Variants in ADGRB3 observed in about 807,000 individuals in gnomAD.
ADGRB3 encodes the protein adhesion G protein-coupled receptor B3, also known as brain-specific angiogenesis inhibitor 3.
Under a neutral mutation model 193.4 loss-of-function variants are expected in ADGRB3, and 37 were observed. The ratio of observed to expected loss-of-function variants is 0.19; its 90% CI spans 0.15 to 0.25. The LOEUF (loss-of-function observed/expected upper bound fraction) is 0.25. ADGRB3 is among the 10% of genes least tolerant of loss of function. The pLI, the probability that ADGRB3 is intolerant of heterozygous loss-of-function variation, is 1.00. For missense variants in ADGRB3, 1,637 were observed against 1,852.9 expected, an observed-to-expected ratio of 0.88 and a Z score of 2.14; for synonymous variants, 690 against 644.2, an observed-to-expected ratio of 1.07 and a Z score of -1.08.
At chr6:69,320,741 T>G (rs1768433324) in intron 20 of ADGRB3, among the ~76,000 whole-genome samples, 1 of 151,642 alleles carries the variant, frequency 6.6e-6, no homozygotes, top group South Asian at 2.1e-4. Flanking sequence ...ATCTTTCTTT[T>G]TACTCTGATA....
intron 3 of ADGRB3, among the ~76,000 whole-genome samples, chr6:68,667,055 A>G (rs986457584): frequency 9.2e-5 from 14 of 151,864 alleles, no homozygotes; most frequent in Non-Finnish European, 1.6e-4. Context: ...AAACTGCATT[A>G]TAAACCATGC....
chr6:68,646,765 A>G (rs1383259131), intron 3 of ADGRB3, among the ~76,000 whole-genome samples: 2 of 152,208 alleles, frequency 1.3e-5, no homozygotes, highest in African/African-American at 4.8e-5. Context: ...ATGGGTCTGC[A>G]AAGTTTTGAG....
intron 14 of ADGRB3, 23 bp downstream of exon 14, chr6:69,048,357 G>T (rs754352393): frequency 1.3e-5 from 21 of 1,599,908 alleles, no homozygotes; most frequent in South Asian, 1.2e-4. Context: ...AATAATATGA[G>T]CTTGAACAAG....
chr6:69,382,341 G>T (rs1159757712), intron 30 of ADGRB3, among the ~76,000 whole-genome samples: 1 of 152,014 alleles, frequency 6.6e-6, no homozygotes, highest in Non-Finnish European at 1.5e-5. Flanking sequence ...TTAATGCTTT[G>T]ATTCAGCCTT....
chr6:68,973,098 A>G (rs547589716), intron 8 of ADGRB3, among the ~76,000 whole-genome samples: 1 of 152,206 alleles, frequency 6.6e-6, no homozygotes, highest in Non-Finnish European at 1.5e-5. Flanking sequence ...TAAATAAATG[A>G]ATATATATTT....
At chr6:68,748,614 G>A (rs1373743889) in intron 3 of ADGRB3, among the ~76,000 whole-genome samples, 1 of 152,126 alleles carries the variant, frequency 6.6e-6, no homozygotes, top group African/African-American at 2.4e-5. Flanking sequence ...CTCCTTTCAT[G>A]GGCTGGCATT....
chr6:68,661,554 T>C (rs1412590556), intron 3 of ADGRB3, among the ~76,000 whole-genome samples: 5 of 141,190 alleles, frequency 3.5e-5, no homozygotes, highest in Non-Finnish European at 6.2e-5. Context: ...TATATATATA[T>C]ATATATATAT....
chr6:68,642,216 A>T (rs1160824228), intron 3 of ADGRB3, among the ~76,000 whole-genome samples: 1 of 152,180 alleles, frequency 6.6e-6, no homozygotes, highest in African/African-American at 2.4e-5. Context: ...GTATTGTACC[A>T]TAGAAGTGGC....
chr6:69,270,216 A>C lies in ADGRB3; in HGVS notation c.2814+30990A>C, dbSNP rs145393554. On this transcript the variant is annotated intron_variant, in intron 20 of 31. Coordinates refer to ENST00000370598, the MANE Select transcript of ADGRB3 (RefSeq NM_001704.3). ...TTTCCATGACTAGAGCTTTTGGTAC[A>C]GAATGTCAAGTACATTTATCATCAG... Among the ~76,000 whole-genome samples, 341 of 112,044 alleles carry C rather than the reference A, an allele frequency of 3.0e-3. 2 individuals are homozygous for C. Among genetic ancestry groups the C allele is most frequent in the African/African-American group, 0.012 (315 of 26,674 alleles). The allele number at this position is 112,044 out of a possible 152,430, so 73.5% of individuals were successfully genotyped here.
intron 3 of ADGRB3, among the ~76,000 whole-genome samples, chr6:68,738,325 T>C (rs1440284118): frequency 6.6e-6 from 1 of 152,118 alleles, no homozygotes; most frequent in Non-Finnish European, 1.5e-5. Context: ...TTTGGCTGTC[T>C]CTCTGAGCAA....
chr6:69,175,353 A>T (rs1023771563), intron 17 of ADGRB3, among the ~76,000 whole-genome samples: 1 of 152,226 alleles, frequency 6.6e-6, no homozygotes, highest in African/African-American at 2.4e-5. Context: ...ATTCTTCTGC[A>T]TATGGCTAAC....
chr6:68,780,492 A>G (rs1199156374), intron 3 of ADGRB3, among the ~76,000 whole-genome samples: 1 of 152,098 alleles, frequency 6.6e-6, no homozygotes, highest in African/African-American at 2.4e-5. Flanking sequence ...AGTCAGGAGG[A>G]AAATATTACA....
At chr6:69,041,800 C>G (rs1771079702) in intron 13 of ADGRB3, among the ~76,000 whole-genome samples, 1 of 152,110 alleles carries the variant, frequency 6.6e-6, no homozygotes, top group African/African-American at 2.4e-5. Flanking sequence ...CTATGTTGCC[C>G]AGGCTGGACT....
chr6:69,308,088 T>C (rs760828410), intron 20 of ADGRB3, among the ~76,000 whole-genome samples: 9 of 151,558 alleles, frequency 5.9e-5, no homozygotes, highest in Middle Eastern at 3.4e-3. Context: ...TGAGAAGATA[T>C]AGACTTTTTT....
intron 11 of ADGRB3, among the ~76,000 whole-genome samples, chr6:69,007,475 G>T (rs1006795106): frequency 6.6e-6 from 1 of 151,802 alleles, no homozygotes. Flanking sequence ...CTCTAGTTAC[G>T]TTATCTTTCT....
chr6:68,864,993 G>C (rs971040468), intron 3 of ADGRB3, among the ~76,000 whole-genome samples: 1 of 152,114 alleles, frequency 6.6e-6, no homozygotes, highest in African/African-American at 2.4e-5. Context: ...GTTTTGACCT[G>C]TTGAAGAATT....
At position 69,219,461 on chromosome 6, in the gene ADGRB3, G is replaced by GTATATATATATATATATATATA. The variant is rs3839475; in HGVS notation, c.2481-13818_2481-13797dup. Among the ~76,000 whole-genome samples, 141 of 98,898 alleles carry GTATATATATATATATATATATA rather than the reference G, an allele frequency of 1.4e-3. 1 individual carries two copies. The highest frequency in any genetic ancestry group is 1.8e-3 in the Non-Finnish European group (79 of 44,602). The allele number at this position is 98,898 out of a possible 152,430, so 64.9% of individuals were successfully genotyped here. Reference sequence around the variant, plus strand: ...CTTTAACTTAAAAATACACACACACGTATATATATATATATATATATATAT... The same window carrying GTATATATATATATATATATATA: ...CTTTAACTTAAAAATACACACACACGTATATATATATATATATATATATATATATATATATATATATATATAT... On this transcript the variant is annotated intron_variant, in intron 17 of 31. Transcript: ENST00000370598.
intron 17 of ADGRB3, among the ~76,000 whole-genome samples, chr6:69,210,526 C>T (rs1056182223): frequency 2.6e-5 from 4 of 152,110 alleles, no homozygotes; most frequent in Non-Finnish European, 5.9e-5. Flanking sequence ...TTCTTCAATT[C>T]AATCAAGTTG....
intron 19 of ADGRB3, among the ~76,000 whole-genome samples, chr6:69,237,092 A>T (rs981070252): frequency 2.0e-5 from 3 of 152,006 alleles, no homozygotes; most frequent in Non-Finnish European, 4.4e-5. Context: ...AGAAACACCA[A>T]TAGAAACTTC....
Sources: gnomAD v4.1 joint callset for allele counts (sites outside exome capture counted in the v4.1 genomes callset) on GRCh38, gnomAD v4.1.1 for gene constraint, MANE v1.5 for transcripts, NCBI Gene and HGNC (gene_info 2026-07-23, HGNC 2026-07-21) for gene names.